SETD7: variants seen among roughly 807,000 people sequenced by gnomAD.
SETD7 encodes the protein histone-lysine N-methyltransferase SETD7.
Under a neutral mutation model 41.8 loss-of-function variants are expected in SETD7, and 16 were observed. That is an observed-to-expected ratio of 0.38 (90% CI 0.26 to 0.58). The LOEUF (loss-of-function observed/expected upper bound fraction) is 0.58. Ranked by LOEUF, SETD7 falls within the 20% of genes least tolerant of loss-of-function variation. The probability of loss-of-function intolerance (pLI) is 0.64; values close to 1 mark genes in which losing one functional copy is unlikely to be tolerated. For missense variants in SETD7, 346 were observed against 459.7 expected, an observed-to-expected ratio of 0.75 and a Z score of 2.26; for synonymous variants, 163 against 169.7, an observed-to-expected ratio of 0.96 and a Z score of 0.31.
rs199914359 is a variant in SETD7, at chr4:139,546,952, G to A, written c.138C>T (p.Asn46=). Residue 46 remains asparagine (N), a synonymous_variant, in exon 2 of 8, where the codon AAC becomes AAT. Transcript: ENST00000274031. ...CAAAGAAGAAGAACTTCCCCCGTCC[G>A]TTCTTTTCTCCGTGAACAAAGTTCC... ...FEGNFVHGEK[N]GRGKFFFFDG... 34 of 1,614,158 alleles carry A rather than the reference G, an allele frequency of 2.1e-5. No homozygotes were observed. Among genetic ancestry groups the A allele is most frequent in the African/African-American group, 1.6e-4 (12 of 75,030 alleles).
intron 2 of SETD7, 73 bp from the exon 3 acceptor site, chr4:139,533,439 C>T (rs1727548048): frequency 7.8e-7 from 1 of 1,277,036 alleles, no homozygotes; most frequent in East Asian, 2.5e-5. Flanking sequence ...GGATCATATC[C>T]AAGGAACTGC....
At chr4:139,542,582 T>A (rs1216171564) in intron 2 of SETD7, among the ~76,000 whole-genome samples, 1 of 152,116 alleles carries the variant, frequency 6.6e-6, no homozygotes, top group African/African-American at 2.4e-5. Flanking sequence ...CTTGAATATG[T>A]TTAGTTAAGA....
intron 6 of SETD7, among the ~76,000 whole-genome samples, 181 bp from the exon 7 acceptor site, chr4:139,518,223 G>A (rs182532243): frequency 8.3e-4 from 127 of 152,346 alleles, no homozygotes; most frequent in African/African-American, 2.9e-3. Context: ...CTGCCTCCCA[G>A]GTTCAAGCGA....
At chr4:139,517,820 C>T in intron 7 of SETD7, 65 bp downstream of exon 7, 1 of 1,501,454 alleles carries the variant, frequency 6.7e-7, no homozygotes, top group Non-Finnish European at 9.0e-7. Flanking sequence ...ACACTTTTTA[C>T]TGCCCTCCTC....
intron 5 of SETD7, among the ~76,000 whole-genome samples, chr4:139,520,686 A>C (rs569037751): frequency 5.3e-5 from 8 of 152,284 alleles, no homozygotes; most frequent in Non-Finnish European, 1.2e-4. Flanking sequence ...TTTTTGGAAG[A>C]ATTTTATGTT....
In SETD7 at chr4:139,509,786, C is replaced by A. The variant is rs746725083; in HGVS notation, c.*1877G>T. On this transcript the variant is annotated 3_prime_UTR_variant, in exon 8 of 8. Transcript: ENST00000274031. ...GAGTAAGAGTGACCCTATCCTGGTG[C>A]CTTTAAATCTAAAAACTATTCAGTT... The A allele has an allele frequency of 1.2e-4, 117 of 985,312 alleles. No homozygotes were observed. The highest frequency in any genetic ancestry group is 1.8e-4 in the Admixed American group (3 of 16,262). 61.0% of individuals were successfully genotyped at this position (985,312 alleles called of 1,614,324 possible). A position where few individuals can be genotyped will look rare whatever the true frequency, so the allele number is the denominator to read the frequency against.
At chr4:139,498,662 T>C (rs1195149925) in intron 7 of SETD7, among the ~76,000 whole-genome samples, 1 of 152,192 alleles carries the variant, frequency 6.6e-6, no homozygotes, top group African/African-American at 2.4e-5. Flanking sequence ...CAAAGATTTT[T>C]CTCTGACTTT....
At chr4:139,520,899 C>G (rs964395765) in intron 5 of SETD7, among the ~76,000 whole-genome samples, 2 of 152,182 alleles carry the variant, frequency 1.3e-5, no homozygotes, top group Non-Finnish European at 2.9e-5. Flanking sequence ...CAAAAGGGTT[C>G]ATAACAGGGG....
intron 1 of SETD7, among the ~76,000 whole-genome samples, chr4:139,551,702 T>C (rs952775524): frequency 1.3e-5 from 2 of 152,048 alleles, no homozygotes; most frequent in Non-Finnish European, 2.9e-5. Flanking sequence ...GTTGGTTTTG[T>C]ACACTAGAAC....
downstream of SETD7, among the ~76,000 whole-genome samples, chr4:139,494,991 C>T (rs866217191): frequency 1.1e-4 from 16 of 152,292 alleles, no homozygotes; most frequent in Middle Eastern, 3.4e-3. Flanking sequence ...TGTAATGGCA[C>T]TATAGCCAGA....
In SETD7 at chr4:139,506,275, T is replaced by C. The variant is rs1726698679; in HGVS notation, c.*5388A>G. On this transcript the variant is annotated 3_prime_UTR_variant, in exon 8 of 8. Transcript: ENST00000274031. Reference sequence around the variant, plus strand: ...ATAATTTAAAAAAATCATAGAATTATAGATATTGAATAAGGCTCATAGTTT... The same window carrying C: ...ATAATTTAAAAAAATCATAGAATTACAGATATTGAATAAGGCTCATAGTTT... The C allele has an allele frequency of 1.3e-5, 2 of 152,666 alleles. No individual in the cohort carries two copies. Among genetic ancestry groups the C allele is most frequent in the Non-Finnish European group, 1.5e-5 (1 of 68,050 alleles). 9.5% of individuals were successfully genotyped at this position (152,666 alleles called of 1,614,324 possible).
At chr4:139,533,534 G>A (rs911994635) in intron 2 of SETD7, among the ~76,000 whole-genome samples, 168 bp from the exon 3 acceptor site, 1 of 152,222 alleles carries the variant, frequency 6.6e-6, no homozygotes, top group African/African-American at 2.4e-5. Context: ...CTTCATGGAC[G>A]TGGGTAAGAC....
intron 5 of SETD7, among the ~76,000 whole-genome samples, chr4:139,520,774 TTGTCAG>T: frequency 1.3e-5 from 2 of 152,328 alleles, no homozygotes; most frequent in Middle Eastern, 6.8e-3. Context: ...ATATCTAAGT[TTGTCAG>T]TGTTAGATGG....
At chr4:139,550,297 G>T (rs1728074053) in intron 1 of SETD7, among the ~76,000 whole-genome samples, 3 of 152,214 alleles carry the variant, frequency 2.0e-5, no homozygotes, top group Admixed American at 2.0e-4. Context: ...TGCACATTAA[G>T]GAGGTGCTTG....
Position 139,506,354 on chromosome 4 carries a change from CTT to C in SETD7, c.*5307_*5308del, listed in dbSNP as rs1000974051. ...TGCTCGTTAACCGTGATGGGGTTAACTTTTGGTTGCAATAAATGCTGAAAGCA... is the reference window on the plus strand; with the variant it reads ...TGCTCGTTAACCGTGATGGGGTTAACTTGGTTGCAATAAATGCTGAAAGCA... On this transcript the variant is annotated 3_prime_UTR_variant, in exon 8 of 8. Transcript: ENST00000274031. 6.6e-6 allele frequency: 1 copy of C among 152,644 alleles called. No homozygotes were observed. The highest frequency in any genetic ancestry group is 2.4e-5 in the African/African-American group (1 of 41,454). 9.5% of individuals were successfully genotyped at this position (152,644 alleles called of 1,614,324 possible). A position where few individuals can be genotyped will look rare whatever the true frequency, so the allele number is the denominator to read the frequency against.
intron 7 of SETD7, among the ~76,000 whole-genome samples, chr4:139,499,388 C>T (rs1002639449): frequency 1.3e-5 from 2 of 152,216 alleles, no homozygotes; most frequent in African/African-American, 2.4e-5. Context: ...CATTGCCAAG[C>T]TTGTTTTTCT....
intron 3 of SETD7, 75 bp downstream of exon 3, chr4:139,533,090 G>A (rs1319511263): frequency 1.5e-6 from 2 of 1,354,828 alleles, no homozygotes; most frequent in East Asian, 2.3e-5. Context: ...TTCTAACACA[G>A]AATACATTTT....
intron 2 of SETD7, among the ~76,000 whole-genome samples, chr4:139,537,747 A>C (rs1443233379): frequency 6.6e-6 from 1 of 152,258 alleles, no homozygotes; most frequent in Non-Finnish European, 1.5e-5. Context: ...TGAGAAGAGA[A>C]GATTGAGAAG....
At chr4:139,496,807 G>C (rs1011200489) in intron 7 of SETD7, among the ~76,000 whole-genome samples, 6 of 152,178 alleles carry the variant, frequency 3.9e-5, no homozygotes, top group African/African-American at 7.2e-5. Context: ...CTCAGTCTCA[G>C]GTTTCTGGCT....
Sources: allele counts gnomAD v4.1 joint callset (sites outside exome capture counted in the v4.1 genomes callset), GRCh38; gene constraint gnomAD v4.1.1; transcripts MANE v1.5; gene names NCBI Gene and HGNC (gene_info 2026-07-23, HGNC 2026-07-21).